Variants in BTLA observed in about 807,000 individuals in gnomAD.
BTLA encodes B- and T-lymphocyte attenuator.
Under a neutral mutation model 25.0 loss-of-function variants are expected in BTLA, and 11 were observed. The ratio of observed to expected loss-of-function variants is 0.44; its 90% CI spans 0.28 to 0.73. BTLA has a LOEUF of 0.73. Among genes scored for constraint, BTLA ranks in the 30% least tolerant of loss-of-function variants. The pLI is 0.15. For synonymous variants in BTLA, 104 were observed against 119.8 expected (o/e 0.87, Z 0.86); for missense variants, 282 against 332.8 (o/e 0.85, Z 1.19).
intron 1 of BTLA, among the ~76,000 whole-genome samples, chr3:112,481,345 T>C (rs1475375755): frequency 6.6e-6 from 1 of 152,232 alleles, no homozygotes; most frequent in Non-Finnish European, 1.5e-5. Context: ...ATGGAGGAAG[T>C]TGTGTTCCAC....
chr3:112,464,153 C>A lies in BTLA; in HGVS notation c.*1955G>T, dbSNP rs1235164933. 2 of 397,864 alleles carry A rather than the reference C, an allele frequency of 5.0e-6. No individual in the cohort carries two copies. Among genetic ancestry groups the A allele is most frequent in the African/African-American group, 4.1e-5 (2 of 48,646 alleles). The allele number at this position is 397,864 out of a possible 1,614,324, so 24.6% of individuals were successfully genotyped here. ...GAAAATGCATGTATGTCTCTGACAC[C>A]ATTTTGAAAAGGAATAAAAACATAA... is the stretch of plus-strand genomic sequence containing the variant. On this transcript the variant is annotated 3_prime_UTR_variant, in exon 5 of 5. Transcript: ENST00000334529.
rs1287629268 is a variant in BTLA, at chr3:112,485,132, C to T, written c.89-5363G>A. 3.3e-5 allele frequency among the ~76,000 whole-genome samples: 5 copies of T among 151,986 alleles called. No homozygotes were observed. In the East Asian group the frequency reaches 9.7e-4, roughly 29 times the overall value. On this transcript the variant is annotated intron_variant, in intron 1 of 4. Coordinates refer to ENST00000334529, the MANE Select transcript of BTLA (RefSeq NM_181780.4). ...CAATTTCGGCTCACTGCAGCCTCCG[C>T]CTCCCAGGTTCAAGCGATTCTCCTG...
At chr3:112,474,831 G>A (rs2082280570) in intron 2 of BTLA, among the ~76,000 whole-genome samples, 1 of 152,146 alleles carries the variant, frequency 6.6e-6, no homozygotes, top group South Asian at 2.1e-4. Flanking sequence ...GGCAAGTAAG[G>A]CCGTCAGGCT....
At chr3:112,492,510 T>C (rs1283653497) in intron 1 of BTLA, among the ~76,000 whole-genome samples, 1 of 152,198 alleles carries the variant, frequency 6.6e-6, no homozygotes, top group Non-Finnish European at 1.5e-5. Context: ...GGAAGGATTG[T>C]TACTTGTGAT....
chr3:112,478,708 A>G (rs1304875569), intron 2 of BTLA, among the ~76,000 whole-genome samples: 1 of 152,152 alleles, frequency 6.6e-6, no homozygotes, highest in Admixed American at 6.5e-5. Flanking sequence ...TCCTGTTCTT[A>G]GGGGGAAAGC....
intron 1 of BTLA, among the ~76,000 whole-genome samples, chr3:112,497,867 G>A (rs2082418063): frequency 6.6e-6 from 1 of 152,116 alleles, no homozygotes; most frequent in Admixed American, 6.6e-5. Context: ...TGCTTGTAGG[G>A]AATAATAAGA....
chr3:112,466,611 T>TTG (rs2082228992), intron 4 of BTLA, among the ~76,000 whole-genome samples: 2 of 152,192 alleles, frequency 1.3e-5, no homozygotes, highest in Non-Finnish European at 2.9e-5. Flanking sequence ...ATTTTGTGCT[T>TTG]TATTACTGGT....
At chr3:112,489,449 G>A (rs1353545956) in intron 1 of BTLA, among the ~76,000 whole-genome samples, 1 of 152,044 alleles carries the variant, frequency 6.6e-6, no homozygotes, top group Non-Finnish European at 1.5e-5. Flanking sequence ...CCATTATCAT[G>A]AGGAAAATCT....
At chr3:112,471,403 T>C (rs1349857159) in intron 2 of BTLA, 48 bp from the exon 3 acceptor site, 9 of 1,591,896 alleles carry the variant, frequency 5.7e-6, no homozygotes, top group Non-Finnish European at 7.7e-6. Flanking sequence ...CTGAGATATA[T>C]TGGGATCAGC....
intron 4 of BTLA, 151 bp downstream of exon 4, chr3:112,469,607 G>GTATATATATATATATATATATATA (rs60258722): frequency 1.7e-5 from 1 of 58,356 alleles, no homozygotes; most frequent in African/African-American, 7.1e-5. Flanking sequence ...ATGGGTCTAT[G>GTATATATATATATATATATATATA]TATATATATA....
chr3:112,469,272 C>T (rs998665084), intron 4 of BTLA, among the ~76,000 whole-genome samples: 1 of 152,018 alleles, frequency 6.6e-6, no homozygotes, highest in African/African-American at 2.4e-5. Flanking sequence ...ATAACTAAGC[C>T]AAAGATCATG....
chr3:112,481,572 A>G (rs2082318331), intron 1 of BTLA, among the ~76,000 whole-genome samples: 2 of 152,194 alleles, frequency 1.3e-5, no homozygotes, highest in South Asian at 4.1e-4. Context: ...CCTGAAATCA[A>G]TTTGCCCTCT....
At chr3:112,488,228 C>CTTTTTTTTTT (rs546779181) in intron 1 of BTLA, among the ~76,000 whole-genome samples, 9 of 124,832 alleles carry the variant, frequency 7.2e-5, no homozygotes, top group Admixed American at 1.8e-4. Context: ...TTTCTTTTTT[C>CTTTTTTTTTT]TTTTTTTTTT....
chr3:112,476,780 C>G (rs1166182690), intron 2 of BTLA, among the ~76,000 whole-genome samples: 2 of 152,164 alleles, frequency 1.3e-5, no homozygotes, highest in African/African-American at 4.8e-5. Context: ...TGACTACGAT[C>G]TAGATTCAGA....
intron 4 of BTLA, 128 bp from the exon 5 acceptor site, chr3:112,466,511 A>C (rs1334782514): frequency 1.2e-6 from 1 of 835,374 alleles, no homozygotes; most frequent in Non-Finnish European, 1.7e-6. Context: ...ACTGTTCCTC[A>C]CATACTCTGC....
intron 1 of BTLA, among the ~76,000 whole-genome samples, chr3:112,482,479 C>A (rs1025581535): frequency 2.0e-5 from 3 of 152,126 alleles, no homozygotes; most frequent in Admixed American, 2.0e-4. Flanking sequence ...ATTTCTACAC[C>A]CTTGCCAGCA....
chr3:112,483,056 G>C (rs113271296), intron 1 of BTLA, among the ~76,000 whole-genome samples: 208 of 151,136 alleles, frequency 1.4e-3, no homozygotes, highest in African/African-American at 4.7e-3. Flanking sequence ...CAATGAGATG[G>C]TTATAGACAA....
chr3:112,498,839 G>A (rs900136563), intron 1 of BTLA, among the ~76,000 whole-genome samples: 2 of 152,114 alleles, frequency 1.3e-5, no homozygotes, highest in Non-Finnish European at 2.9e-5. Context: ...ATGGAGATAT[G>A]TATAATTCCG....
chr3:112,478,449 A>C (rs952743627), intron 2 of BTLA, among the ~76,000 whole-genome samples: 1 of 152,162 alleles, frequency 6.6e-6, no homozygotes, highest in Non-Finnish European at 1.5e-5. Flanking sequence ...GTGTATAGAA[A>C]TATCACTGAT....
Sources: allele counts gnomAD v4.1 joint callset (sites outside exome capture counted in the v4.1 genomes callset), GRCh38; gene constraint gnomAD v4.1.1; transcripts MANE v1.5; gene names NCBI Gene and HGNC (gene_info 2026-07-23, HGNC 2026-07-21).